NEMP2: variants seen among roughly 807,000 people sequenced by gnomAD.
NEMP2 encodes nuclear envelope integral membrane protein 2, also known as UPF0571 transmembrane protein.
A neutral mutation model predicts 54.2 loss-of-function variants in NEMP2; 53 were observed. That is an observed-to-expected ratio of 0.98 (90% CI 0.78 to 1.23). The LOEUF is 1.23. Among genes scored for constraint, NEMP2 ranks in the 50% most tolerant of loss-of-function variants. NEMP2 has a pLI of 0.00. For synonymous variants in NEMP2, 197 were observed against 190.3 expected, an observed-to-expected ratio of 1.04 and a Z score of -0.29; for missense variants, 455 against 511.3, an observed-to-expected ratio of 0.89 and a Z score of 1.06.
At chr2:190,471,758 G>T in the NEMP2 span, among the ~76,000 whole-genome samples, 2 of 152,176 alleles carry the variant, frequency 1.3e-5, no homozygotes, top group Non-Finnish European at 2.9e-5. The surrounding 1 kb of genome is among the most constrained non-coding windows in gnomAD (Gnocchi z 4.7). Flanking sequence ...CTCCCAGGAC[G>T]CAGCTTGAGA....
At chr2:190,592,728 A>G in the NEMP2 span, among the ~76,000 whole-genome samples, 124,353 of 152,048 alleles carry the variant, frequency 0.82, 50,963 homozygotes, top group Admixed American at 0.84. The surrounding 1 kb of genome is among the most constrained non-coding windows in gnomAD (Gnocchi z 4.4). Flanking sequence ...CCCAAATTTC[A>G]GTATACTGCA....
Position 190,519,322 on chromosome 2 carries a change from G to A in NEMP2, c.214-139C>T. On this transcript the variant is annotated intron_variant, in intron 2 of 8. Transcript: ENST00000409150. This position sits in a 1 kb window ranked among gnomAD's most constrained non-coding sequence, Gnocchi z 5.4. Reference sequence around the variant, plus strand: ...CTGCAACCTGTGCCTCCAGGGCTCAGGTGACCCTCCCACTTCAGCCTCCCA... The same window carrying A: ...CTGCAACCTGTGCCTCCAGGGCTCAAGTGACCCTCCCACTTCAGCCTCCCA... The A allele has an allele frequency of 1.8e-5, 11 of 617,204 alleles. No individual in the cohort carries two copies. The highest frequency in any genetic ancestry group is 2.8e-5 in the Non-Finnish European group (10 of 358,042). 38.2% of individuals were successfully genotyped at this position (617,204 alleles called of 1,614,324 possible). A position where few individuals can be genotyped will look rare whatever the true frequency, so the allele number is the denominator to read the frequency against.
the NEMP2 span, among the ~76,000 whole-genome samples, chr2:190,560,845 G>A: frequency 3.3e-5 from 5 of 152,040 alleles, no homozygotes; most frequent in African/African-American, 1.2e-4. This position sits in a 1 kb window ranked among gnomAD's most constrained non-coding sequence, Gnocchi z 5.4. Context: ...CTGAGCTCTG[G>A]GTAGAATTAG....
At chr2:190,534,482 G>T in intron 1 of NEMP2, 77 bp downstream of exon 1, 1 of 1,296,920 alleles carries the variant, frequency 7.7e-7, no homozygotes, top group South Asian at 2.3e-5. Context: ...CCGGGCCAAA[G>T]AGCGCGCCCT....
chr2:190,452,047 T>C, the NEMP2 span, among the ~76,000 whole-genome samples: 1 of 152,306 alleles, frequency 6.6e-6, no homozygotes, highest in Non-Finnish European at 1.5e-5. Context: ...GCTGATTTAG[T>C]GATTTCTACC....
the NEMP2 span, among the ~76,000 whole-genome samples, chr2:190,575,881 GA>G: frequency 1.4e-5 from 2 of 145,650 alleles, no homozygotes; most frequent in Admixed American, 6.8e-5. Flanking sequence ...GAAAGAAAAA[GA>G]AAAAAAAAGA....
the NEMP2 span, among the ~76,000 whole-genome samples, chr2:190,647,710 C>CTTTTTTTTTTTTTTTTTTTTTTTTTTTTT: frequency 9.8e-6 from 1 of 102,384 alleles, no homozygotes; most frequent in Non-Finnish European, 1.9e-5. Context: ...TCTTCTTCTT[C>CTTTTTTTTTTTTTTTTTTTTTTTTTTTTT]TTTTTTTTTT....
chr2:190,648,228 C>G, the NEMP2 span: 2 of 152,278 alleles, frequency 1.3e-5, no homozygotes, highest in African/African-American at 4.8e-5. Context: ...ACCCGGCCAG[C>G]GCGACAGTTG....
chr2:190,576,872 A>C, the NEMP2 span, among the ~76,000 whole-genome samples: 1 of 152,232 alleles, frequency 6.6e-6, no homozygotes, highest in African/African-American at 2.4e-5. Flanking sequence ...GGCACTTTAT[A>C]GGCAAAGAGG....
the NEMP2 span, chr2:190,469,711 T>G: frequency 8.6e-7 from 1 of 1,158,240 alleles, no homozygotes; most frequent in South Asian, 2.2e-5. This position sits in a 1 kb window ranked among gnomAD's most constrained non-coding sequence, Gnocchi z 5.3. Flanking sequence ...TCAGTTTATT[T>G]TCCTTTGCTT....
chr2:190,555,571 A>T, the NEMP2 span, among the ~76,000 whole-genome samples: 1 of 151,954 alleles, frequency 6.6e-6, no homozygotes, highest in South Asian at 2.1e-4. This position sits in a 1 kb window ranked among gnomAD's most constrained non-coding sequence, Gnocchi z 4.8. Context: ...AAAGGATATC[A>T]GAGATTGAAG....
At chr2:190,500,272 A>G, downstream of NEMP2, 1 of 1,594,612 alleles carries the variant, frequency 6.3e-7, no homozygotes, top group East Asian at 2.2e-5. The surrounding 1 kb of genome is among the most constrained non-coding windows in gnomAD (Gnocchi z 5.3). Flanking sequence ...CAGCCAGGAC[A>G]CAGGGTGAGG....
At chr2:190,557,936 C>G in the NEMP2 span, among the ~76,000 whole-genome samples, 1 of 152,152 alleles carries the variant, frequency 6.6e-6, no homozygotes, top group Non-Finnish European at 1.5e-5. Context: ...GGACCTAGAA[C>G]TAGAAATACC....
the NEMP2 span, among the ~76,000 whole-genome samples, chr2:190,543,445 G>T: frequency 8.1e-3 from 1,230 of 152,288 alleles, 23 homozygotes; most frequent in African/African-American, 0.027. This position sits in a 1 kb window ranked among gnomAD's most constrained non-coding sequence, Gnocchi z 4.7. Context: ...TGGACAATCA[G>T]CTTTCTCACC....
the NEMP2 span, among the ~76,000 whole-genome samples, chr2:190,548,326 G>C: frequency 1.3e-5 from 2 of 152,118 alleles, no homozygotes; most frequent in Non-Finnish European, 2.9e-5. Flanking sequence ...ATTAAAGCAA[G>C]GTTAGAATAG....
At position 190,510,407 on chromosome 2, in the gene NEMP2, C is replaced by T. The variant is rs1345199769; in HGVS notation, c.1084G>A (p.Asp362Asn). 5.8e-6 allele frequency: 9 copies of T among 1,551,684 alleles called. No individual in the cohort carries two copies. Among genetic ancestry groups the T allele is most frequent in the East Asian group, 4.9e-5 (2 of 40,910 alleles). ...EELRRACRKP[D>N]FPSWLVVSRL... Reference sequence around the variant, plus strand: ...GAGACGACCAGCCATGAGGGAAAGTCGGGTTTTCGGCAGGCCCGGCGTAGC... The same window carrying T: ...GAGACGACCAGCCATGAGGGAAAGTTGGGTTTTCGGCAGGCCCGGCGTAGC... The change falls in exon 8 of 9, where the codon GAC (aspartate) becomes AAC (asparagine). Residue 362 changes from aspartate to asparagine, a missense_variant. Physicochemically the swap from Asp to Asn is conservative, Grantham distance 23 (BLOSUM62 1). Around this residue, in one of 3 missense-constraint regions of NEMP2, gnomAD observed 294 missense variants for 333.6 expected, o/e 0.88. Transcript: ENST00000409150. This position sits in a 1 kb window ranked among gnomAD's most constrained non-coding sequence, Gnocchi z 5.7.
chr2:190,546,217 T>A, the NEMP2 span, among the ~76,000 whole-genome samples: 11 of 150,592 alleles, frequency 7.3e-5, no homozygotes, highest in African/African-American at 9.7e-5. The surrounding 1 kb of genome is among the most constrained non-coding windows in gnomAD (Gnocchi z 5.1). Flanking sequence ...AGACAGAAAA[T>A]TTTTTTTTTT....
the NEMP2 span, among the ~76,000 whole-genome samples, chr2:190,475,003 A>C: frequency 6.6e-6 from 1 of 152,238 alleles, no homozygotes; most frequent in East Asian, 1.9e-4. Flanking sequence ...AAGCCTTTGC[A>C]AAATTCAACA....
the NEMP2 span, chr2:190,624,946 T>C: frequency 2.6e-5 from 4 of 152,220 alleles, no homozygotes; most frequent in Admixed American, 6.5e-5. Context: ...ATCAAAAAGA[T>C]AGACAATAAA....
Sources: gnomAD v4.1 joint callset for allele counts (sites outside exome capture counted in the v4.1 genomes callset) on GRCh38, gnomAD v4.1.1 for gene constraint, gnomAD v4.1.1 regional missense constraint, Gnocchi (gnomAD v3.1) non-coding constraint, MANE v1.5 for transcripts, NCBI Gene and HGNC (gene_info 2026-07-23, HGNC 2026-07-21) for gene names.